MTURN: variants seen among roughly 807,000 people sequenced by gnomAD.
MTURN encodes the protein maturin, neural progenitor differentiation regulator homolog, also known as maturin.
In MTURN, 7 loss-of-function variants were observed where a neutral mutation model predicts 14.9. The observed-to-expected ratio is 0.47, with a 90% CI of 0.27 to 0.88. The LOEUF (loss-of-function observed/expected upper bound fraction) is 0.88, where lower values mean the gene tolerates loss of function less well. Ranked by LOEUF, MTURN falls within the 40% of genes least tolerant of loss-of-function variation. The pLI, the probability that MTURN is intolerant of heterozygous loss-of-function variation, is 0.14. For synonymous variants in MTURN, 69 were observed against 72.5 expected (o/e 0.95, Z 0.25); for missense variants, 151 against 174.1 (o/e 0.87, Z 0.75).
chr7:30,143,770 T>C (rs915915806), intron 1 of MTURN, among the ~76,000 whole-genome samples: 1 of 152,210 alleles, frequency 6.6e-6, no homozygotes, highest in Non-Finnish European at 1.5e-5. Context: ...GTGAACAATC[T>C]CTTCATGAGG....
chr7:30,140,755 T>A (rs927880566), intron 1 of MTURN: 2 of 152,140 alleles, frequency 1.3e-5, no homozygotes, highest in Admixed American at 1.3e-4. Context: ...CCTTTGTATA[T>A]TCTTTGAGTG....
chr7:30,158,424 A>G lies in MTURN; in HGVS notation c.*876A>G, dbSNP rs758954990. 1.3e-4 allele frequency: 20 copies of G among 152,662 alleles called. No homozygotes were observed. Among genetic ancestry groups the G allele is most frequent in the Admixed American group, 6.5e-4 (10 of 15,280 alleles). The allele number at this position is 152,662 out of a possible 1,614,324, so 9.5% of individuals were successfully genotyped here. ...TGCCGCTTAAACTTTGAAGCCATAG[A>G]TAAATTTGTTAGAAAAGTAAACCAG... On this transcript the variant is annotated 3_prime_UTR_variant, in exon 3 of 3. Transcript: ENST00000324453.
chr7:30,135,272 C>A lies in MTURN; in HGVS notation c.136C>A (p.Pro46Thr). 2 of 1,528,300 alleles carry A rather than the reference C, an allele frequency of 1.3e-6. No homozygotes were observed. Among genetic ancestry groups the A allele is most frequent in the East Asian group, 2.8e-5 (1 of 35,730 alleles). The allele number at this position is 1,528,300 out of a possible 1,614,324, so 94.7% of individuals were successfully genotyped here. A position where few individuals can be genotyped will look rare whatever the true frequency, so the allele number is the denominator to read the frequency against. ...DPGVSFYVLC[P>T]DNGCGDNFHV... ...CGGCGTCTCCTTCTATGTGCTGTGT[C>A]CGGACAACGGCTGCGGCGACAATTT... is the stretch of plus-strand genomic sequence containing the variant. Residue 46 changes from proline (P) to threonine (T), a missense_variant, in exon 1 of 3, where the codon CCG (proline) becomes ACG (threonine). Coordinates refer to ENST00000324453, the MANE Select transcript of MTURN (RefSeq NM_152793.3).
chr7:30,157,414 T>C (rs762616745), intron 2 of MTURN, 24 bp from the exon 3 acceptor site: 40 of 1,544,430 alleles, frequency 2.6e-5, no homozygotes, highest in Non-Finnish European at 3.3e-5. Flanking sequence ...TCACAGCTGC[T>C]TTTCTCTTGT....
chr7:30,156,837 T>TAAA (rs1434750117), intron 2 of MTURN, among the ~76,000 whole-genome samples: 1 of 142,814 alleles, frequency 7.0e-6, no homozygotes, highest in Non-Finnish European at 1.6e-5. Flanking sequence ...AAAAAAAAAC[T>TAAA]CTGTCATAAT....
chr7:30,156,389 G>A (rs1797288098), intron 2 of MTURN, among the ~76,000 whole-genome samples: 1 of 152,168 alleles, frequency 6.6e-6, no homozygotes, highest in Non-Finnish European at 1.5e-5. Flanking sequence ...TCCGGGTCAG[G>A]TGTGGTGGCT....
At position 30,161,180 on chromosome 7, in the gene MTURN, T is replaced by G. The variant is rs1336655982; in HGVS notation, c.*3632T>G. 1.3e-5 allele frequency: 2 copies of G among 152,550 alleles called. No homozygotes were observed. Among genetic ancestry groups the G allele is most frequent in the Admixed American group, 1.3e-4 (2 of 15,278 alleles). 9.4% of individuals were successfully genotyped at this position (152,550 alleles called of 1,614,324 possible). A position where few individuals can be genotyped will look rare whatever the true frequency, so the allele number is the denominator to read the frequency against. ...TAAAATTCACAAGTTGGGAAACTGG[T>G]ATGAACAGATCTGATTTCTTACAGA... On this transcript the variant is annotated 3_prime_UTR_variant, in exon 3 of 3. Coordinates refer to ENST00000324453, the MANE Select transcript of MTURN (RefSeq NM_152793.3).
rs553863945 is a variant in MTURN, at chr7:30,160,837, C to G, written c.*3289C>G. The G allele has an allele frequency of 5.2e-5, 8 of 152,392 alleles. No individual in the cohort carries two copies. Among genetic ancestry groups the G allele is most frequent in the African/African-American group, 1.9e-4 (8 of 41,544 alleles). 9.4% of individuals were successfully genotyped at this position (152,392 alleles called of 1,614,324 possible). A position where few individuals can be genotyped will look rare whatever the true frequency, so the allele number is the denominator to read the frequency against. ...GTGAGGCCCCGTGTAGTGCCTGTCA[C>G]CACTGTGGATTCACCTGCACTCAGG... On this transcript the variant is annotated 3_prime_UTR_variant, in exon 3 of 3. Transcript: ENST00000324453.
intron 2 of MTURN, among the ~76,000 whole-genome samples, chr7:30,156,781 C>T (rs1332694174): frequency 4.0e-5 from 6 of 151,728 alleles, no homozygotes; most frequent in African/African-American, 7.3e-5. Context: ...GCCGAGATTG[C>T]GCCACTGCAC....
At chr7:30,147,434 G>A (rs1425316088) in intron 2 of MTURN, among the ~76,000 whole-genome samples, 1 of 152,180 alleles carries the variant, frequency 6.6e-6, no homozygotes, top group Non-Finnish European at 1.5e-5. Context: ...TGAGAAGGCA[G>A]GATGCGGGTC....
chr7:30,140,070 A>C (rs887066353), intron 1 of MTURN, among the ~76,000 whole-genome samples: 6 of 152,138 alleles, frequency 3.9e-5, no homozygotes, highest in African/African-American at 1.4e-4. Context: ...TGGATGCCAG[A>C]TAAACAGAGG....
At position 30,135,214 on chromosome 7, in the gene MTURN, G is replaced by C. The variant is rs1468321131; in HGVS notation, c.78G>C (p.Glu26Asp). ...CCTTCGAGCTCATCGCCACCGAGGA[G>C]ACCGAACGCAGGATGGATTTCTACG... is the stretch of plus-strand genomic sequence containing the variant. ...NTPFELIATE[E>D]TERRMDFYAD... Residue 26 changes from glutamate to aspartate, a missense_variant, in exon 1 of 3, where the codon GAG (glutamate) becomes GAC (aspartate). Coordinates refer to ENST00000324453, the MANE Select transcript of MTURN (RefSeq NM_152793.3). 1.3e-6 allele frequency: 2 copies of C among 1,517,612 alleles called. No homozygotes were observed. The highest frequency in any genetic ancestry group is 1.4e-5 in the African/African-American group (1 of 69,312). 94.0% of individuals were successfully genotyped at this position (1,517,612 alleles called of 1,614,324 possible).
In MTURN at chr7:30,135,286, C is replaced by A; in HGVS notation, c.150C>A (p.Cys50Ter). The change falls in exon 1 of 3, where the codon TGC (cysteine) becomes TGA (stop). Residue 50 changes from cysteine to a stop codon, truncating the protein, a stop_gained. Transcript: ENST00000324453. LOFTEE classifies it high-confidence loss of function. ...ATGTGCTGTGTCCGGACAACGGCTGCGGCGACAATTTTGTGAGTGCCTGGA... is the reference window on the plus strand; with the variant it reads ...ATGTGCTGTGTCCGGACAACGGCTGAGGCGACAATTTTGTGAGTGCCTGGA... ...SFYVLCPDNG[C>*]GDNFHVWSES... The A allele has an allele frequency of 6.6e-7, 1 of 1,521,826 alleles. No homozygotes were observed. 94.3% of individuals were successfully genotyped at this position (1,521,826 alleles called of 1,614,324 possible).
Position 30,158,314 on chromosome 7 carries a change from C to G in MTURN, c.*766C>G, listed in dbSNP as rs773641432. The G allele has an allele frequency of 6.6e-6, 1 of 152,584 alleles. No individual in the cohort carries two copies. The highest frequency in any genetic ancestry group is 1.5e-5 in the Non-Finnish European group (1 of 68,040). The allele number at this position is 152,584 out of a possible 1,614,324, so 9.5% of individuals were successfully genotyped here. A position where few individuals can be genotyped will look rare whatever the true frequency, so the allele number is the denominator to read the frequency against. Reference sequence around the variant, plus strand: ...ATTTTTAAAGCTGTTTATAAGCCGTCCCACGTATAAAATGAAACATTTTAC... The same window carrying G: ...ATTTTTAAAGCTGTTTATAAGCCGTGCCACGTATAAAATGAAACATTTTAC... On this transcript the variant is annotated 3_prime_UTR_variant, in exon 3 of 3. Coordinates refer to ENST00000324453, the MANE Select transcript of MTURN (RefSeq NM_152793.3).
chr7:30,150,133 G>T (rs1362485881), intron 2 of MTURN, among the ~76,000 whole-genome samples: 9 of 152,154 alleles, frequency 5.9e-5, no homozygotes, highest in Non-Finnish European at 1.0e-4. Context: ...AATGATGATA[G>T]TTCCCTTAGG....
intron 2 of MTURN, among the ~76,000 whole-genome samples, chr7:30,155,730 G>A (rs981721550): frequency 7.9e-5 from 12 of 152,220 alleles, no homozygotes; most frequent in Non-Finnish European, 1.5e-4. Context: ...ACAATGCCTA[G>A]CAGATGATTT....
intron 2 of MTURN, among the ~76,000 whole-genome samples, chr7:30,149,271 T>G (rs1797173164): frequency 6.6e-6 from 1 of 152,214 alleles, no homozygotes; most frequent in African/African-American, 2.4e-5. Flanking sequence ...TGGTGTGCTG[T>G]TGCTGGGCTT....
At chr7:30,143,144 C>G (rs1039883396) in intron 1 of MTURN, among the ~76,000 whole-genome samples, 1 of 152,172 alleles carries the variant, frequency 6.6e-6, no homozygotes, top group African/African-American at 2.4e-5. Flanking sequence ...GCTCTGCCCC[C>G]AACCCCCTGC....
At chr7:30,137,519 A>G (rs1796982875) in intron 1 of MTURN, 1 of 437,678 alleles carries the variant, frequency 2.3e-6, no homozygotes, top group Non-Finnish European at 4.8e-6. Flanking sequence ...AAAATGCTTG[A>G]AAGTGTCATG....
Sources: allele counts gnomAD v4.1 joint callset (sites outside exome capture counted in the v4.1 genomes callset), GRCh38; gene constraint gnomAD v4.1.1; transcripts MANE v1.5; gene names NCBI Gene and HGNC (gene_info 2026-07-23, HGNC 2026-07-21).